The following SPTBN4 variants were observed in gnomAD, a reference collection of about 807,000 sequenced individuals.
SPTBN4 encodes the protein spectrin beta, non-erythrocytic 4.
SPTBN4 carries 96 observed loss-of-function variants against 277.8 expected under a neutral mutation model. The observed-to-expected ratio is 0.35, with a 90% CI of 0.29 to 0.41. The LOEUF (loss-of-function observed/expected upper bound fraction) is 0.41, where lower values mean the gene tolerates loss of function less well. Ranked by LOEUF, SPTBN4 falls within the 10% of genes least tolerant of loss-of-function variation. The probability of loss-of-function intolerance (pLI) is 1.00; values close to 1 mark genes in which losing one functional copy is unlikely to be tolerated. For missense variants in SPTBN4, 3,006 were observed against 3,595.7 expected, an observed-to-expected ratio of 0.84 and a Z score of 4.19; for synonymous variants, 1,481 against 1,580.3, an observed-to-expected ratio of 0.94 and a Z score of 1.49.
chr19:40,525,785 G>A (rs1342474472), intron 17 of SPTBN4, among the ~76,000 whole-genome samples: 1 of 152,194 alleles, frequency 6.6e-6, no homozygotes, highest in Non-Finnish European at 1.5e-5. Flanking sequence ...GGGCTGGGAT[G>A]GAGGAAGTCC....
At chr19:40,492,938 G>A (rs1318408191) in intron 4 of SPTBN4, 25 bp from the exon 5 acceptor site, 4 of 1,610,130 alleles carry the variant, frequency 2.5e-6, no homozygotes, top group Non-Finnish European at 3.4e-6. Context: ...CCAGGCCCTG[G>A]TAGCCATTTT....
Position 40,570,699 on chromosome 19 carries a change from G to C in SPTBN4, c.7290G>C (p.Glu2430Asp). The C allele has an allele frequency of 6.2e-7, 1 of 1,608,288 alleles. No homozygotes were observed. The highest frequency in any genetic ancestry group is 8.5e-7 in the Non-Finnish European group (1 of 1,178,086). ...AGGGCTTCCTACTGCGCAAGCGCGA[G>C]CTCGACGCTAACCGCAAGTCGTCCA... Reference protein sequence around the residue: ...QHEGFLLRKRELDANRKSSNR... With the variant: ...QHEGFLLRKRDLDANRKSSNR... The change falls in exon 33 of 36, where the codon GAG becomes GAC. Residue 2430 changes from glutamate (E) to aspartate (D), a missense_variant. By Grantham distance (45) the Glu-to-Asp change is conservative (BLOSUM62 2). This residue lies in a region of SPTBN4 where 630 missense variants were observed against 677.6 expected (regional missense o/e 0.93). Transcript: ENST00000598249.
rs1000253527 is a variant in SPTBN4 at position 40,560,478 on chromosome 19, C to T, written c.5915+75C>T. Reference sequence around the variant, plus strand: ...CCAGCCACCCCCAGCCCATTGACAGCCCCCTTCTCAATGGAATGACAACAG... The same window carrying T: ...CCAGCCACCCCCAGCCCATTGACAGTCCCCTTCTCAATGGAATGACAACAG... On this transcript the variant is annotated intron_variant, in intron 27 of 35. Coordinates refer to ENST00000598249, the MANE Select transcript of SPTBN4 (RefSeq NM_020971.3). This position sits in a 1 kb window ranked among gnomAD's most constrained non-coding sequence, Gnocchi z 5.2. 6.2e-7 allele frequency: 1 copy of T among 1,606,152 alleles called. No individual in the cohort carries two copies. The highest frequency in any genetic ancestry group is 8.5e-7 in the Non-Finnish European group (1 of 1,175,154).
At chr19:40,516,683 G>A (rs371495598) in intron 15 of SPTBN4, among the ~76,000 whole-genome samples, 9 of 152,034 alleles carry the variant, frequency 5.9e-5, no homozygotes, top group Non-Finnish European at 1.0e-4. Context: ...AATTATCCGG[G>A]CATGGTGGCA....
chr19:40,487,070 C>T (rs1165660065), intron 2 of SPTBN4, among the ~76,000 whole-genome samples: 3 of 151,502 alleles, frequency 2.0e-5, no homozygotes, highest in East Asian at 3.9e-4. Context: ...GGAGTCTTGC[C>T]TTGTTGCCCA....
intron 27 of SPTBN4, among the ~76,000 whole-genome samples, chr19:40,561,729 G>A (rs2081044176): frequency 6.6e-6 from 1 of 151,858 alleles, no homozygotes; most frequent in African/African-American, 2.4e-5. Context: ...GGCTGAGGCA[G>A]GAGAATCGCT....
chr19:40,569,529 A>G, intron 31 of SPTBN4, 128 bp from the exon 32 acceptor site: 1 of 866,862 alleles, frequency 1.2e-6, no homozygotes, highest in Admixed American at 2.8e-5. Flanking sequence ...TCTGAGAGAA[A>G]CAGCTGCAGA....
intron 5 of SPTBN4, 46 bp downstream of exon 5, chr19:40,493,100 C>T: frequency 6.3e-7 from 1 of 1,577,796 alleles, no homozygotes. Context: ...CAAGTGGTCC[C>T]CTAACCTCTG....
chr19:40,571,952 G>A (rs1315935054), intron 33 of SPTBN4, 67 bp from the exon 34 acceptor site: 4 of 1,475,196 alleles, frequency 2.7e-6, no homozygotes, highest in Non-Finnish European at 3.6e-6. Flanking sequence ...AGACCTTGAG[G>A]ATGTTAATGA....
chr19:40,497,090 A>G lies in SPTBN4; in HGVS notation c.669-399A>G, dbSNP rs1172417514. 2.0e-5 allele frequency among the ~76,000 whole-genome samples: 3 copies of G among 151,508 alleles called. No individual in the cohort carries two copies. In the East Asian group the frequency reaches 5.8e-4, roughly 29 times the overall value. ...TCCATCTCAAAAAAAAAAAAAAAAA[A>G]AAAAAGAGGTACATGTGTCCTCACA... On this transcript the variant is annotated intron_variant, in intron 6 of 35. Coordinates refer to ENST00000598249, the MANE Select transcript of SPTBN4 (RefSeq NM_020971.3).
chr19:40,541,354 C>T (rs1047358761), intron 20 of SPTBN4, among the ~76,000 whole-genome samples: 1 of 152,156 alleles, frequency 6.6e-6, no homozygotes, highest in African/African-American at 2.4e-5. Flanking sequence ...GGCTCCAGCA[C>T]GAGACTCCTG....
At chr19:40,529,256 C>A in intron 18 of SPTBN4, 125 bp downstream of exon 18, 1 of 891,106 alleles carries the variant, frequency 1.1e-6, no homozygotes, top group Non-Finnish European at 1.7e-6. Flanking sequence ...TCGCTCTAAG[C>A]CGCCAGGGGG....
At chr19:40,563,360 C>A (rs2081061837) in intron 27 of SPTBN4, among the ~76,000 whole-genome samples, 1 of 151,876 alleles carries the variant, frequency 6.6e-6, no homozygotes, top group Admixed American at 6.6e-5. Context: ...ACTGATGGAA[C>A]CTTCAGAAAC....
rs773555561 is a variant in SPTBN4, at chr19:40,557,002, C to G, written c.5290-21C>G. On this transcript the variant is annotated intron_variant, in intron 25 of 35. Transcript: ENST00000598249. ...CCTTTGCTCACTTTGCTGTACCCCCCCCCCCACTTCCTGATGGCAGGTGCT... is the reference window on the plus strand; with the variant it reads ...CCTTTGCTCACTTTGCTGTACCCCCGCCCCCACTTCCTGATGGCAGGTGCT... The G allele has an allele frequency of 2.6e-6, 4 of 1,524,878 alleles. No homozygotes were observed. In the Admixed American group the frequency reaches 5.9e-5, roughly 22 times the overall value. 94.5% of individuals were successfully genotyped at this position (1,524,878 alleles called of 1,614,324 possible). A position where few individuals can be genotyped will look rare whatever the true frequency, so the allele number is the denominator to read the frequency against.
chr19:40,548,730 G>A (rs1302698078), intron 20 of SPTBN4, among the ~76,000 whole-genome samples: 5 of 150,984 alleles, frequency 3.3e-5, no homozygotes, highest in African/African-American at 7.3e-5. Context: ...AAAAAAAAGC[G>A]TTAACAAAAA....
intron 20 of SPTBN4, among the ~76,000 whole-genome samples, 182 bp from the exon 21 acceptor site, chr19:40,549,007 G>C (rs2080886937): frequency 6.6e-6 from 1 of 152,240 alleles, no homozygotes. Context: ...TCCGAGGCAG[G>C]GACTAGCTTA....
rs367715982 is a variant in SPTBN4, at chr19:40,481,772, A to G, written c.170-5925A>G. On this transcript the variant is annotated intron_variant, in intron 2 of 35. Coordinates refer to ENST00000598249, the MANE Select transcript of SPTBN4 (RefSeq NM_020971.3). ...ATTACAGGCGTGAGCCACCATGCCC[A>G]GCTGATGGTCAGTCTTTTTAATTTT... is the stretch of plus-strand genomic sequence containing the variant. 2.7e-5 allele frequency among the ~76,000 whole-genome samples: 4 copies of G among 150,678 alleles called. No individual in the cohort carries two copies. In the East Asian group the frequency reaches 6.1e-4, roughly 23 times the overall value.
chr19:40,553,768 G>T (rs1037891689), intron 22 of SPTBN4, among the ~76,000 whole-genome samples: 1 of 152,106 alleles, frequency 6.6e-6, no homozygotes, highest in East Asian at 1.9e-4. Context: ...GCACTCTACC[G>T]TATACAAATG....
Position 40,570,654 on chromosome 19 carries a change from C to G in SPTBN4, c.7245C>G (p.Pro2415=), listed in dbSNP as rs1194298965. The change falls in exon 33 of 36, where the codon CCC becomes CCG. Residue 2415 remains proline (P), a synonymous_variant. Coordinates refer to ENST00000598249, the MANE Select transcript of SPTBN4 (RefSeq NM_020971.3). ...CCGCCCCCGCGCCTCCGCCACCGCCCACTCACACAGTGCAGCACGAGGGCT... is the reference window on the plus strand; with the variant it reads ...CCGCCCCCGCGCCTCCGCCACCGCCGACTCACACAGTGCAGCACGAGGGCT... ...GGSAPAPPPP[P]THTVQHEGFL... 6.5e-7 allele frequency: 1 copy of G among 1,548,974 alleles called. No individual in the cohort carries two copies. The highest frequency in any genetic ancestry group is 8.7e-7 in the Non-Finnish European group (1 of 1,151,672).
Sources: allele counts gnomAD v4.1 joint callset (sites outside exome capture counted in the v4.1 genomes callset), GRCh38; gene constraint gnomAD v4.1.1; regional missense constraint gnomAD v4.1.1; non-coding constraint Gnocchi (gnomAD v3.1); transcripts MANE v1.5; gene names NCBI Gene and HGNC (gene_info 2026-07-23, HGNC 2026-07-21).